The following CDH13 variants were observed in gnomAD, a reference collection of about 807,000 sequenced individuals.
The protein encoded by CDH13 is cadherin 13, also known as cadherin-13.
In CDH13, 24 loss-of-function variants were observed where a neutral mutation model predicts 63.8. The ratio of observed to expected loss-of-function variants is 0.38; its 90% CI spans 0.27 to 0.53. The LOEUF is 0.53. Ranked by LOEUF, CDH13 falls within the 20% of genes least tolerant of loss-of-function variation. The pLI is 0.85. For missense variants in CDH13, 1,049 were observed against 903.1 expected, an observed-to-expected ratio of 1.16 and a Z score of -2.07; for synonymous variants, 503 against 355.3, an observed-to-expected ratio of 1.42 and a Z score of -4.67.
At chr16:83,132,906 A>T (rs533175543) in intron 4 of CDH13, among the ~76,000 whole-genome samples, 3 of 152,306 alleles carry the variant, frequency 2.0e-5, no homozygotes, top group African/African-American at 7.2e-5. Context: ...AGCTACACAT[A>T]AGCCTTTCCT....
chr16:82,760,507 T>C (rs1484477731), intron 1 of CDH13, among the ~76,000 whole-genome samples: 2 of 152,136 alleles, frequency 1.3e-5, no homozygotes, highest in East Asian at 1.9e-4. Context: ...TTTAGGAGAT[T>C]CATAGTTTGG....
intron 7 of CDH13, among the ~76,000 whole-genome samples, chr16:83,577,526 C>A (rs538461760): frequency 6.6e-6 from 1 of 152,272 alleles, no homozygotes; most frequent in South Asian, 2.1e-4. Context: ...CTTTCTGTTG[C>A]AATATGAGGT....
chr16:82,826,849 C>A (rs1405940841), intron 1 of CDH13: 1 of 152,092 alleles, frequency 6.6e-6, no homozygotes, highest in Non-Finnish European at 1.5e-5. Flanking sequence ...AGACATTGAC[C>A]ACAGGAAGGG....
intron 1 of CDH13, among the ~76,000 whole-genome samples, chr16:82,733,474 C>T (rs1380888326): frequency 6.6e-6 from 1 of 152,144 alleles, no homozygotes; most frequent in Non-Finnish European, 1.5e-5. Context: ...GGGAAGAATA[C>T]TAACCAAGGG....
intron 7 of CDH13, among the ~76,000 whole-genome samples, chr16:83,561,244 T>G (rs2075702470): frequency 6.6e-6 from 1 of 151,620 alleles, no homozygotes; most frequent in Admixed American, 6.6e-5. Flanking sequence ...GTTGGGAGTT[T>G]GAGACCAGCC....
chr16:82,787,061 G>A (rs1356328457), intron 1 of CDH13, among the ~76,000 whole-genome samples: 1 of 152,116 alleles, frequency 6.6e-6, no homozygotes, highest in African/African-American at 2.4e-5. Context: ...GCTTCCTAAA[G>A]TAACATATAA....
intron 7 of CDH13, among the ~76,000 whole-genome samples, chr16:83,546,282 C>T (rs774039879): frequency 3.3e-5 from 5 of 152,044 alleles, no homozygotes; most frequent in Admixed American, 1.3e-4. Context: ...CTTGGCATCC[C>T]CAGACTCTTG....
chr16:82,655,637 G>A (rs1269231468), intron 1 of CDH13, among the ~76,000 whole-genome samples: 1 of 152,140 alleles, frequency 6.6e-6, no homozygotes, highest in Non-Finnish European at 1.5e-5. Flanking sequence ...TTTATGTGCA[G>A]CAGAGGAAGC....
chr16:83,678,483 C>T lies in CDH13; in HGVS notation c.1538+22C>T, dbSNP rs917759003. 8 of 1,613,154 alleles carry T rather than the reference C, an allele frequency of 5.0e-6. No homozygotes were observed. The African/African-American group carries it at 9.3e-5, about 19-fold the overall frequency. On this transcript the variant is annotated intron_variant, in intron 10 of 13. Transcript: ENST00000567109. ...TCAGGTGGGTGAGTGGCTCCGGAAC[C>T]ACAGACGGGAGGTGGGCAGGAATGG...
intron 8 of CDH13, among the ~76,000 whole-genome samples, chr16:83,624,657 A>G (rs1207819044): frequency 1.3e-5 from 2 of 152,064 alleles, no homozygotes. Flanking sequence ...GGTTCCTAAT[A>G]GGCCATGGAT....
chr16:82,799,113 G>A (rs79947331), intron 1 of CDH13, among the ~76,000 whole-genome samples: 7,630 of 152,224 alleles, frequency 0.05, 593 homozygotes, highest in African/African-American at 0.17. Flanking sequence ...TACTGGAGAA[G>A]TCAATTATAT....
chr16:83,441,088 G>GA (rs2072467425), intron 6 of CDH13, among the ~76,000 whole-genome samples: 1 of 152,138 alleles, frequency 6.6e-6, no homozygotes, highest in Admixed American at 6.6e-5. Flanking sequence ...TACAACAGCA[G>GA]AAAAATTTAA....
At chr16:82,929,430 C>G (rs2151292560) in intron 2 of CDH13, among the ~76,000 whole-genome samples, 1 of 151,838 alleles carries the variant, frequency 6.6e-6, no homozygotes, top group South Asian at 2.1e-4. Context: ...ATCACAAGGT[C>G]AGGAGATCGA....
intron 5 of CDH13, 41 bp from the exon 6 acceptor site, chr16:83,344,821 A>G (rs555249033): frequency 2.6e-5 from 41 of 1,606,328 alleles, no homozygotes; most frequent in East Asian, 6.7e-5. Flanking sequence ...TTCATAATGA[A>G]TTAATATCTT....
intron 6 of CDH13, among the ~76,000 whole-genome samples, chr16:83,355,502 A>G (rs1206003376): frequency 6.6e-6 from 1 of 152,220 alleles, no homozygotes; most frequent in Non-Finnish European, 1.5e-5. Context: ...CACCCAATAA[A>G]TTCCACTGGA....
At chr16:82,666,342 T>G (rs2150934764) in intron 1 of CDH13, among the ~76,000 whole-genome samples, 1 of 152,350 alleles carries the variant, frequency 6.6e-6, no homozygotes, top group South Asian at 2.1e-4. Flanking sequence ...GTAAGGCAGT[T>G]GATCCTACTT....
chr16:83,050,551 C>T (rs574220267), intron 3 of CDH13, among the ~76,000 whole-genome samples: 21 of 152,280 alleles, frequency 1.4e-4, no homozygotes, highest in Non-Finnish European at 2.5e-4. Context: ...ATTGGAAGTG[C>T]CTGTCCATTT....
intron 11 of CDH13, among the ~76,000 whole-genome samples, chr16:83,753,951 CT>C (rs1555525090): frequency 1.3e-5 from 2 of 150,646 alleles, no homozygotes. Flanking sequence ...AAAAGAAAAC[CT>C]TTTTTTTTCT....
intron 7 of CDH13, among the ~76,000 whole-genome samples, chr16:83,527,036 G>A (rs955594645): frequency 9.2e-5 from 14 of 152,086 alleles, no homozygotes; most frequent in Admixed American, 7.9e-4. Flanking sequence ...GGAGGCTGAG[G>A]CAGGAGATCA....
Sources: gnomAD v4.1 joint callset for allele counts (sites outside exome capture counted in the v4.1 genomes callset) on GRCh38, gnomAD v4.1.1 for gene constraint, MANE v1.5 for transcripts, NCBI Gene and HGNC (gene_info 2026-07-23, HGNC 2026-07-21) for gene names.